Variants in WDPCP observed in about 807,000 individuals in gnomAD.
WDPCP encodes WD repeat containing planar cell polarity effector.
In WDPCP, 71 loss-of-function variants were observed where a neutral mutation model predicts 93.1. The ratio of observed to expected loss-of-function variants is 0.76; its 90% CI spans 0.63 to 0.93. The LOEUF (loss-of-function observed/expected upper bound fraction) is 0.93, where lower values mean the gene tolerates loss of function less well. Among genes scored for constraint, WDPCP ranks in the 40% least tolerant of loss-of-function variants. WDPCP has a pLI of 0.00. For synonymous variants in WDPCP, 315 were observed against 315.0 expected, an observed-to-expected ratio of 1.00 and a Z score of 0.00; for missense variants, 844 against 887.4, an observed-to-expected ratio of 0.95 and a Z score of 0.62.
chr2:63,682,749 G>A (rs1387472241), intron 2 of WDPCP, among the ~76,000 whole-genome samples: 5 of 151,866 alleles, frequency 3.3e-5, no homozygotes, highest in Non-Finnish European at 5.9e-5. Context: ...AGATAAATAA[G>A]GGATCCCAAA....
chr2:63,745,794 A>T (rs138351203), intron 2 of WDPCP, among the ~76,000 whole-genome samples: 1,863 of 152,264 alleles, frequency 0.012, 16 homozygotes, highest in Non-Finnish European at 0.015. Context: ...TACTGGAGTT[A>T]CTAGGGTAAA....
intron 1 of WDPCP, among the ~76,000 whole-genome samples, chr2:63,819,869 C>T (rs990923950): frequency 1.3e-5 from 2 of 152,132 alleles, no homozygotes; most frequent in Admixed American, 6.6e-5. Context: ...AGGGGTCAGC[C>T]TTCCTGAGCT....
At chr2:63,737,373 C>T (rs1558898627) in intron 2 of WDPCP, among the ~76,000 whole-genome samples, 1 of 152,198 alleles carries the variant, frequency 6.6e-6, no homozygotes, top group Non-Finnish European at 1.5e-5. Flanking sequence ...AACACCAACT[C>T]CTTTAGTTTC....
At chr2:63,622,692 T>C in intron 3 of WDPCP, 2 of 1,613,852 alleles carry the variant, frequency 1.2e-6, no homozygotes, top group Non-Finnish European at 1.7e-6. Flanking sequence ...CAGTTTCTGG[T>C]CAGGGGTCAC....
intron 7 of WDPCP, 130 bp from the exon 8 acceptor site, chr2:63,437,684 T>C: frequency 9.8e-7 from 1 of 1,025,262 alleles, no homozygotes; most frequent in Non-Finnish European, 1.4e-6. Context: ...TGAATATCAT[T>C]ATAGCATTTT....
intron 6 of WDPCP, among the ~76,000 whole-genome samples, chr2:63,455,269 G>A (rs1184816453): frequency 1.3e-5 from 2 of 151,888 alleles, no homozygotes; most frequent in African/African-American, 4.8e-5. Flanking sequence ...AATATTAAAG[G>A]AACAAAACCT....
chr2:63,194,413 CA>C (rs1255601168), intron 14 of WDPCP, among the ~76,000 whole-genome samples: 1 of 152,100 alleles, frequency 6.6e-6, no homozygotes. Context: ...TTAGTTACTT[CA>C]AAGTGTTGAT....
intron 14 of WDPCP, among the ~76,000 whole-genome samples, chr2:63,255,671 T>A (rs1008239031): frequency 1.3e-5 from 2 of 152,180 alleles, no homozygotes; most frequent in Non-Finnish European, 2.9e-5. Context: ...ACTTCTCATA[T>A]AGCCTGAAGA....
intron 4 of WDPCP, among the ~76,000 whole-genome samples, 179 bp from the exon 5 acceptor site, chr2:63,485,166 AC>A (rs1700495693): frequency 6.6e-6 from 1 of 151,952 alleles, no homozygotes; most frequent in Non-Finnish European, 1.5e-5. Flanking sequence ...CAGGATTTTT[AC>A]CACAAAACAA....
chr2:63,594,448 A>G (rs760221711), intron 3 of WDPCP: 3 of 1,321,412 alleles, frequency 2.3e-6, no homozygotes, highest in Admixed American at 3.4e-5. Flanking sequence ...TTTAAGGTAC[A>G]GTAGTACTTA....
At chr2:63,458,748 C>T in intron 6 of WDPCP, among the ~76,000 whole-genome samples, 1 of 151,954 alleles carries the variant, frequency 6.6e-6, no homozygotes, top group East Asian at 1.9e-4. Context: ...TTGTATGGAA[C>T]CAAAAAAGAA....
At chr2:63,800,875 GAAACCCCA>G (rs1223990436) in intron 2 of WDPCP, among the ~76,000 whole-genome samples, 2 of 152,106 alleles carry the variant, frequency 1.3e-5, no homozygotes, top group Non-Finnish European at 2.9e-5. Context: ...GCAACAGAGA[GAAACCCCA>G]TCTCTGCAAA....
intron 3 of WDPCP, among the ~76,000 whole-genome samples, chr2:63,631,595 C>A (rs1422968695): frequency 6.6e-6 from 1 of 151,992 alleles, no homozygotes; most frequent in South Asian, 2.1e-4. Context: ...TAAAAATAGC[C>A]CTGAGAGGGC....
At chr2:63,826,532 G>A (rs935284359) in intron 1 of WDPCP, among the ~76,000 whole-genome samples, 4 of 152,042 alleles carry the variant, frequency 2.6e-5, no homozygotes, top group Admixed American at 6.6e-5. Context: ...CACTAGTGGT[G>A]TAACTTTGAA....
intron 3 of WDPCP, among the ~76,000 whole-genome samples, chr2:63,614,969 C>G (rs570867058): frequency 6.6e-6 from 1 of 152,350 alleles, no homozygotes; most frequent in East Asian, 1.9e-4. Context: ...CCTCCCGTAT[C>G]ACATAAAACT....
intron 2 of WDPCP, among the ~76,000 whole-genome samples, chr2:63,667,345 T>C (rs1710296215): frequency 6.6e-6 from 1 of 152,178 alleles, no homozygotes; most frequent in African/African-American, 2.4e-5. Flanking sequence ...ATCCTGGGGA[T>C]AGGTATGAAC....
At chr2:63,507,404 T>C (rs2106055838) in intron 1 of WDPCP, among the ~76,000 whole-genome samples, 1 of 152,210 alleles carries the variant, frequency 6.6e-6, no homozygotes, top group East Asian at 1.9e-4. Flanking sequence ...CTAGCCAAAT[T>C]GTCACTTGAG....
chr2:63,190,363 T>C (rs796860088), intron 14 of WDPCP, among the ~76,000 whole-genome samples: 4 of 150,104 alleles, frequency 2.7e-5, no homozygotes, highest in South Asian at 4.2e-4. Flanking sequence ...CCTGGGGAGG[T>C]TGAGGGCTGC....
At chr2:63,216,665 A>G (rs1262259494) in intron 14 of WDPCP, among the ~76,000 whole-genome samples, 1 of 152,088 alleles carries the variant, frequency 6.6e-6, no homozygotes, top group Non-Finnish European at 1.5e-5. Context: ...TATGTAACAA[A>G]TCTGCACATT....
Sources: gnomAD v4.1 joint callset for allele counts (sites outside exome capture counted in the v4.1 genomes callset) on GRCh38, gnomAD v4.1.1 for gene constraint, MANE v1.5 for transcripts, NCBI Gene and HGNC (gene_info 2026-07-23, HGNC 2026-07-21) for gene names.